The following CPLANE1 variants were observed in gnomAD, a reference collection of about 807,000 sequenced individuals.
CPLANE1 encodes the protein ciliogenesis and planar polarity effector complex subunit 1.
In CPLANE1, 263 loss-of-function variants were observed where a neutral mutation model predicts 362.5. That is an observed-to-expected ratio of 0.73 (90% CI 0.66 to 0.80). The LOEUF is 0.80. Ranked by LOEUF, CPLANE1 falls within the 30% of genes least tolerant of loss-of-function variation. The pLI, the probability that CPLANE1 is intolerant of heterozygous loss-of-function variation, is 0.00. For missense variants in CPLANE1, 3,461 were observed against 3,793.4 expected (o/e 0.91, Z 2.30); for synonymous variants, 1,212 against 1,302.6 (o/e 0.93, Z 1.50).
intron 18 of CPLANE1, among the ~76,000 whole-genome samples, chr5:37,202,892 A>G (rs1268030395): frequency 6.6e-6 from 1 of 151,222 alleles, no homozygotes; most frequent in Non-Finnish European, 1.5e-5. Flanking sequence ...TATTTTTCAA[A>G]TCTATGTCCC....
rs1790739591 is a variant in CPLANE1 at position 37,206,377 on chromosome 5, A to T, written c.2969T>A (p.Val990Asp). The T allele has an allele frequency of 1.9e-6, 3 of 1,551,708 alleles. No individual in the cohort carries two copies. Among genetic ancestry groups the T allele is most frequent in the Non-Finnish European group, 2.6e-6 (3 of 1,146,932 alleles). The change falls in exon 17 of 53, where the codon GTT becomes GAT. Residue 990 changes from valine to aspartate, a missense_variant. Coordinates refer to ENST00000651892, the MANE Select transcript of CPLANE1 (RefSeq NM_001384732.1). ...ATTAGAGAGATTCTGATCTCTAACA[A>T]CACTGGCCACCTTAGAGTGTTGCAG... ...IPLQHSKVAS[V>D]VRDQNLSNVW...
Position 37,198,778 on chromosome 5 carries a change from C to G in CPLANE1, c.3596G>C (p.Arg1199Pro), listed in dbSNP as rs569380288. 1 of 1,613,978 alleles carries G rather than the reference C, an allele frequency of 6.2e-7. No individual in the cohort carries two copies. Among genetic ancestry groups the G allele is most frequent in the Non-Finnish European group, 8.5e-7 (1 of 1,179,996 alleles). ...GILQRVLLLF[R>P]AAQCSFPVAQ... ...TACAGGAAAAGAACACTGAGCCGCCCGGAAAAGCAGGAGAACACGCTGAAG... is the reference window on the plus strand; with the variant it reads ...TACAGGAAAAGAACACTGAGCCGCCGGGAAAAGCAGGAGAACACGCTGAAG... The change falls in exon 20 of 53, where the codon CGG becomes CCG. Residue 1199 changes from arginine to proline, a missense_variant. Physicochemically the swap from Arg to Pro is moderately radical, Grantham distance 103. Coordinates refer to ENST00000651892, the MANE Select transcript of CPLANE1 (RefSeq NM_001384732.1).
rs541619301 is a variant in CPLANE1, at chr5:37,170,406, G to A, written c.6172-75C>T. ...ATCTAAGGAATAACAATAATCATCT[G>A]AGTATTCTACAATAGTCACACGTTT... On this transcript the variant is annotated intron_variant, in intron 32 of 52. Transcript: ENST00000651892. 375 of 1,375,456 alleles carry A rather than the reference G, an allele frequency of 2.7e-4. 5 individuals carry two copies. The South Asian group carries it at 4.7e-3, about 17-fold the overall frequency. The allele number at this position is 1,375,456 out of a possible 1,614,324, so 85.2% of individuals were successfully genotyped here. A position where few individuals can be genotyped will look rare whatever the true frequency, so the allele number is the denominator to read the frequency against.
At chr5:37,154,206 G>C (rs966948854) in intron 41 of CPLANE1, among the ~76,000 whole-genome samples, 1 of 152,112 alleles carries the variant, frequency 6.6e-6, no homozygotes, top group African/African-American at 2.4e-5. Context: ...AAACAAGGAA[G>C]TCTGAATATT....
intron 15 of CPLANE1, among the ~76,000 whole-genome samples, chr5:37,220,031 T>A (rs1795016401): frequency 6.6e-6 from 1 of 152,122 alleles, no homozygotes; most frequent in African/African-American, 2.4e-5. Flanking sequence ...GGTGGGTGGA[T>A]TGCTTGAGCC....
chr5:37,221,395 A>G lies in CPLANE1; in HGVS notation c.2675T>C (p.Leu892Ser). The change falls in exon 15 of 53, where the codon TTG becomes TCG. Residue 892 changes from leucine (L) to serine (S), a missense_variant. Physicochemically the swap from Leu to Ser is moderately radical, Grantham distance 145. Transcript: ENST00000651892. Reference protein sequence around the residue: ...YSYNLNDAQGLCDQLAREILR... With the variant: ...YSYNLNDAQGSCDQLAREILR... ...GATTTCTCTTGCTAGCTGATCACAC[A>G]ATCCTTGAGCATCATTTAAATTATA... The G allele has an allele frequency of 6.5e-7, 1 of 1,537,418 alleles. No individual in the cohort carries two copies. Among genetic ancestry groups the G allele is most frequent in the Non-Finnish European group, 8.8e-7 (1 of 1,140,722 alleles).
At chr5:37,085,711 C>T in the CPLANE1 span, 1 of 1,211,252 alleles carries the variant, frequency 8.3e-7, no homozygotes, top group South Asian at 1.2e-5. Flanking sequence ...ATGGCAACAG[C>T]TTTGCTACTC....
At position 37,209,735 on chromosome 5, in the gene CPLANE1, CA is replaced by C; in HGVS notation, c.2921-3311del. ...AAATCAACCCTACTTCCAGTCTGTA[CA>C]AATCACTGGTTTCAGGAGCTGATAA... On this transcript the variant is annotated intron_variant, in intron 16 of 52. Coordinates refer to ENST00000651892, the MANE Select transcript of CPLANE1 (RefSeq NM_001384732.1). The surrounding 1 kb of genome is among the most constrained non-coding windows in gnomAD (Gnocchi z 4.6). 8.2e-7 allele frequency: 1 copy of C among 1,212,868 alleles called. No individual in the cohort carries two copies. The highest frequency in any genetic ancestry group is 1.2e-6 in the Non-Finnish European group (1 of 816,666). The allele number at this position is 1,212,868 out of a possible 1,614,324, so 75.1% of individuals were successfully genotyped here.
In CPLANE1 at chr5:37,244,671, T is replaced by A. The variant is rs865841077; in HGVS notation, c.338-64A>T. 2.0e-5 allele frequency: 18 copies of A among 881,058 alleles called. 3 individuals carry two copies. In the Middle Eastern group the frequency reaches 4.7e-3, roughly 229 times the overall value. The allele number at this position is 881,058 out of a possible 1,614,324, so 54.6% of individuals were successfully genotyped here. On this transcript the variant is annotated intron_variant, in intron 4 of 52. Coordinates refer to ENST00000651892, the MANE Select transcript of CPLANE1 (RefSeq NM_001384732.1). ...TCTGAATTCCCCCCAATAAAGTACA[T>A]AATTTATGTATTCTTACAATAAAAA...
chr5:37,226,347 T>C lies in CPLANE1; in HGVS notation c.2248A>G (p.Ile750Val), dbSNP rs1796473303. The change falls in exon 12 of 53, where the codon ATT (isoleucine) becomes GTT (valine). Residue 750 changes from isoleucine to valine, a missense_variant. Around this residue, in one of 2 missense-constraint regions of CPLANE1, gnomAD observed 3,380 missense variants for 3,666.1 expected, o/e 0.92. Coordinates refer to ENST00000651892, the MANE Select transcript of CPLANE1 (RefSeq NM_001384732.1). Reference protein sequence around the residue: ...KNWSWNSFFKIHPQVVNPVQQ... With the variant: ...KNWSWNSFFKVHPQVVNPVQQ... ...ACAGGATTTACTACTTGAGGATGAA[T>C]CTTGAAAAATGAGTTCCAAGACCAG... 6.5e-7 allele frequency: 1 copy of C among 1,542,380 alleles called. No individual in the cohort carries two copies. The highest frequency in any genetic ancestry group is 1.4e-5 in the African/African-American group (1 of 72,538).
chr5:37,115,499 T>C (rs773695200), intron 50 of CPLANE1, among the ~76,000 whole-genome samples: 2 of 151,978 alleles, frequency 1.3e-5, no homozygotes, highest in African/African-American at 2.4e-5. Context: ...AACAACTCTA[T>C]GAGGTAGGTT....
chr5:37,113,878 T>C (rs1012204441), intron 51 of CPLANE1, among the ~76,000 whole-genome samples: 3 of 152,180 alleles, frequency 2.0e-5, no homozygotes, highest in Admixed American at 1.3e-4. Context: ...AGTGGTGCAA[T>C]TTCGGCTCAC....
intron 19 of CPLANE1, among the ~76,000 whole-genome samples, chr5:37,199,769 T>C (rs937915230): frequency 2.0e-5 from 3 of 152,196 alleles, no homozygotes; most frequent in African/African-American, 7.2e-5. Flanking sequence ...GCCCATCTCC[T>C]ACATGGCTCA....
At chr5:37,181,569 T>A (rs1280108703) in intron 26 of CPLANE1, among the ~76,000 whole-genome samples, 1 of 152,026 alleles carries the variant, frequency 6.6e-6, no homozygotes, top group Non-Finnish European at 1.5e-5. Flanking sequence ...AATCCCAACA[T>A]TTTGAGAGGC....
chr5:37,241,776 G>A (rs184144251), intron 6 of CPLANE1, among the ~76,000 whole-genome samples: 35 of 151,900 alleles, frequency 2.3e-4, no homozygotes, highest in African/African-American at 8.0e-4. Context: ...ATAGGCATGC[G>A]CCACCATGCT....
chr5:37,193,316 T>C (rs144345592), intron 21 of CPLANE1, among the ~76,000 whole-genome samples: 1 of 152,120 alleles, frequency 6.6e-6, no homozygotes, highest in African/African-American at 2.4e-5. Flanking sequence ...CTTATACATC[T>C]CTACTTTGGT....
At chr5:37,185,624 A>G (rs1212453650) in intron 24 of CPLANE1, among the ~76,000 whole-genome samples, 1 of 152,160 alleles carries the variant, frequency 6.6e-6, no homozygotes, top group Non-Finnish European at 1.5e-5. Flanking sequence ...GAAAAATACA[A>G]ATCACAAATA....
chr5:37,114,736 C>T (rs971240475), intron 51 of CPLANE1, among the ~76,000 whole-genome samples: 13 of 151,954 alleles, frequency 8.6e-5, no homozygotes, highest in African/African-American at 2.9e-4. Flanking sequence ...CCCATCTCTA[C>T]GAAAAATACA....
At chr5:37,114,782 C>A (rs1463212504) in intron 51 of CPLANE1, among the ~76,000 whole-genome samples, 178 bp downstream of exon 51, 2 of 151,938 alleles carry the variant, frequency 1.3e-5, no homozygotes, top group Non-Finnish European at 2.9e-5. Context: ...CACCTGTAAT[C>A]CCAGCTACTG....
Sources: gnomAD v4.1 joint callset for allele counts (sites outside exome capture counted in the v4.1 genomes callset) on GRCh38, gnomAD v4.1.1 for gene constraint, gnomAD v4.1.1 regional missense constraint, Gnocchi (gnomAD v3.1) non-coding constraint, MANE v1.5 for transcripts, NCBI Gene and HGNC (gene_info 2026-07-23, HGNC 2026-07-21) for gene names.